The following LPCAT1 variants were observed in gnomAD, a reference collection of about 807,000 sequenced individuals.
LPCAT1 encodes the protein 1-acylglycerol-3-phosphate O-acyltransferase.
Under a neutral mutation model 60.9 loss-of-function variants are expected in LPCAT1, and 23 were observed. That is an observed-to-expected ratio of 0.38 (90% CI 0.27 to 0.53). LPCAT1 has a LOEUF of 0.53. Among genes scored for constraint, LPCAT1 ranks in the 20% least tolerant of loss-of-function variants. LPCAT1 has a pLI of 0.82. For synonymous variants in LPCAT1, 340 were observed against 301.1 expected (o/e 1.13, Z -1.34); for missense variants, 622 against 723.6 (o/e 0.86, Z 1.61).
Position 1,483,222 on chromosome 5 carries a change from G to A in LPCAT1, c.726+206C>T, listed in dbSNP as rs781450480. The stretch of plus-strand genomic sequence containing the variant: ...CAGGGACACGTGCATAGAACAGGCC[G>A]CACTCAGGAACGTGCCGAGCCCAGG... On this transcript the variant is annotated intron_variant, in intron 6 of 13. Coordinates refer to ENST00000283415, the MANE Select transcript of LPCAT1 (RefSeq NM_024830.5). The surrounding 1 kb of genome is among the most constrained non-coding windows in gnomAD (Gnocchi z 9.2). Among the ~76,000 whole-genome samples the A allele has an allele frequency of 2.0e-5, 3 of 152,142 alleles. No homozygotes were observed. Among genetic ancestry groups the A allele is most frequent in the Non-Finnish European group, 2.9e-5 (2 of 68,020 alleles).
chr5:1,521,597 C>T lies in LPCAT1; in HGVS notation c.135+2113G>A, dbSNP rs944953164. The stretch of plus-strand genomic sequence containing the variant: ...TTACAAACTAAACCCTTGAGCCACA[C>T]ATTGCAGACATCCAGCAGAAACGAC... On this transcript the variant is annotated intron_variant, in intron 1 of 13. Coordinates refer to ENST00000283415, the MANE Select transcript of LPCAT1 (RefSeq NM_024830.5). The surrounding 1 kb of genome is among the most constrained non-coding windows in gnomAD (Gnocchi z 4.3). 2.5e-6 allele frequency: 1 copy of T among 400,848 alleles called. No individual in the cohort carries two copies. The highest frequency in any genetic ancestry group is 3.4e-6 in the Non-Finnish European group (1 of 295,712). 24.8% of individuals were successfully genotyped at this position (400,848 alleles called of 1,614,324 possible). A position where few individuals can be genotyped will look rare whatever the true frequency, so the allele number is the denominator to read the frequency against.
chr5:1,470,955 C>A, intron 11 of LPCAT1, 31 bp from the exon 12 acceptor site: 3 of 1,589,642 alleles, frequency 1.9e-6, no homozygotes, highest in Non-Finnish European at 2.6e-6. Flanking sequence ...AGCCACAGCT[C>A]GGCCGCCTTC....
chr5:1,485,450 C>T (rs1314054589), intron 5 of LPCAT1, among the ~76,000 whole-genome samples: 1 of 152,188 alleles, frequency 6.6e-6, no homozygotes, highest in Non-Finnish European at 1.5e-5. Flanking sequence ...AATGCAGGAA[C>T]AAGGCAGAGG....
chr5:1,474,991 T>C (rs1734843075), intron 9 of LPCAT1, among the ~76,000 whole-genome samples: 1 of 152,152 alleles, frequency 6.6e-6, no homozygotes, highest in Admixed American at 6.5e-5. Context: ...CGAAGTGAGC[T>C]CATGGTGCGA....
intron 5 of LPCAT1, among the ~76,000 whole-genome samples, chr5:1,485,743 A>C (rs544826571): frequency 3.3e-5 from 5 of 151,882 alleles, no homozygotes; most frequent in African/African-American, 1.2e-4. Context: ...AGCCACATCC[A>C]TGTTTGCTCA....
At chr5:1,518,785 G>A (rs529868718) in intron 1 of LPCAT1, among the ~76,000 whole-genome samples, 105 of 152,344 alleles carry the variant, frequency 6.9e-4, no homozygotes, top group Non-Finnish European at 1.4e-3. Flanking sequence ...ATAGGGGGCC[G>A]GACCCAGGCA....
In LPCAT1 at chr5:1,487,485, T is replaced by C. The variant is rs1391453838; in HGVS notation, c.667+906A>G. Reference sequence around the variant, plus strand: ...AGGGTGGAGGGTGAAAGCACGCGCATCTGAGCTGGAGGAGGATGGCCACAG... The same window carrying C: ...AGGGTGGAGGGTGAAAGCACGCGCACCTGAGCTGGAGGAGGATGGCCACAG... On this transcript the variant is annotated intron_variant, in intron 5 of 13. Coordinates refer to ENST00000283415, the MANE Select transcript of LPCAT1 (RefSeq NM_024830.5). The surrounding 1 kb of genome is among the most constrained non-coding windows in gnomAD (Gnocchi z 6.1). Among the ~76,000 whole-genome samples, 1 of 152,140 alleles carries C rather than the reference T, an allele frequency of 6.6e-6. No homozygotes were observed. The highest frequency in any genetic ancestry group is 1.5e-5 in the Non-Finnish European group (1 of 68,026).
In LPCAT1 at chr5:1,476,856, G is replaced by T. The variant is rs531345039; in HGVS notation, c.899+548C>A. ...CGAGGGAGGGAGAGGGGGAGGGCGT[G>T]TGAGCCGACAGCACTGCCGGCCATG... is the stretch of plus-strand genomic sequence containing the variant. On this transcript the variant is annotated intron_variant, in intron 9 of 13. Transcript: ENST00000283415. The surrounding 1 kb of genome is among the most constrained non-coding windows in gnomAD (Gnocchi z 8.6). Among the ~76,000 whole-genome samples, 31 of 152,236 alleles carry T rather than the reference G, an allele frequency of 2.0e-4. No individual in the cohort carries two copies. Among genetic ancestry groups the T allele is most frequent in the Non-Finnish European group, 3.2e-4 (22 of 67,984 alleles).
chr5:1,512,664 T>A (rs1205490025), intron 1 of LPCAT1, among the ~76,000 whole-genome samples: 1 of 152,254 alleles, frequency 6.6e-6, no homozygotes, highest in East Asian at 1.9e-4. Flanking sequence ...CGCCTTCACC[T>A]GGAGTCTTCC....
chr5:1,507,590 C>G (rs112474961), intron 1 of LPCAT1, among the ~76,000 whole-genome samples: 2 of 152,176 alleles, frequency 1.3e-5, no homozygotes, highest in Admixed American at 6.5e-5. Flanking sequence ...TGGGACAGCA[C>G]GGCGCAGCCC....
At chr5:1,465,564 T>C (rs888731226) in intron 13 of LPCAT1, among the ~76,000 whole-genome samples, 24 of 147,224 alleles carry the variant, frequency 1.6e-4, no homozygotes, top group Non-Finnish European at 1.0e-4. Context: ...CACATGCCCA[T>C]GCACACACAC....
intron 1 of LPCAT1, among the ~76,000 whole-genome samples, chr5:1,505,872 G>T (rs1736171400): frequency 6.6e-6 from 1 of 152,232 alleles, no homozygotes; most frequent in Admixed American, 6.5e-5. Flanking sequence ...CTTCCTCTAT[G>T]GGAAAGAATG....
At chr5:1,473,072 G>A (rs893345037) in intron 11 of LPCAT1, among the ~76,000 whole-genome samples, 1 of 152,042 alleles carries the variant, frequency 6.6e-6, no homozygotes. Context: ...CTGCTCTCTG[G>A]CCAGAGTCCT....
intron 7 of LPCAT1, 109 bp from the exon 8 acceptor site, chr5:1,479,784 C>CT: frequency 1.2e-6 from 1 of 837,606 alleles, no homozygotes. Flanking sequence ...GAGGGCGCTA[C>CT]TGGGCAGTCA....
At position 1,481,045 on chromosome 5, in the gene LPCAT1, G is replaced by C; in HGVS notation, c.727-69C>G. ...CAGGGCCTGCACCAAGCACCTGCGT[G>C]TGCCGGCCTCTCCCTGCACCTCCCA... On this transcript the variant is annotated intron_variant, in intron 6 of 13. Coordinates refer to ENST00000283415, the MANE Select transcript of LPCAT1 (RefSeq NM_024830.5). This position sits in a 1 kb window ranked among gnomAD's most constrained non-coding sequence, Gnocchi z 7.8. The C allele has an allele frequency of 1.3e-6, 2 of 1,576,006 alleles. No individual in the cohort carries two copies. The highest frequency in any genetic ancestry group is 1.7e-6 in the Non-Finnish European group (2 of 1,148,754).
chr5:1,482,207 G>A (rs1033827170), intron 6 of LPCAT1, among the ~76,000 whole-genome samples: 1 of 151,896 alleles, frequency 6.6e-6, no homozygotes, highest in African/African-American at 2.4e-5. Context: ...AAGGACGTGC[G>A]GGAGTCATTG....
At chr5:1,509,982 T>C (rs1314710847) in intron 1 of LPCAT1, among the ~76,000 whole-genome samples, 1 of 152,214 alleles carries the variant, frequency 6.6e-6, no homozygotes, top group East Asian at 1.9e-4. Context: ...ACGGTTTCAT[T>C]GGGAGGAACA....
intron 3 of LPCAT1, 131 bp from the exon 4 acceptor site, chr5:1,489,989 G>A (rs1735514749): frequency 1.4e-6 from 1 of 703,480 alleles, no homozygotes; most frequent in Non-Finnish European, 2.6e-6. Context: ...GCTGTGCCAT[G>A]GGTGGGCTGT....
At position 1,502,035 on chromosome 5, in the gene LPCAT1, C is replaced by T. The variant is rs1238906953; in HGVS notation, c.136-432G>A. Among the ~76,000 whole-genome samples the T allele has an allele frequency of 4.6e-5, 7 of 152,226 alleles. No homozygotes were observed. The highest frequency in any genetic ancestry group is 9.6e-5 in the African/African-American group (4 of 41,466). On this transcript the variant is annotated intron_variant, in intron 1 of 13. Transcript: ENST00000283415. This position sits in a 1 kb window ranked among gnomAD's most constrained non-coding sequence, Gnocchi z 5.5. ...TTGACCGGCACTGACCAAGGCTGAC[C>T]GGTGCTGATGCCGACCAGCCCTCAC... is the stretch of plus-strand genomic sequence containing the variant.
Sources: gnomAD v4.1 joint callset for allele counts (sites outside exome capture counted in the v4.1 genomes callset) on GRCh38, gnomAD v4.1.1 for gene constraint, Gnocchi (gnomAD v3.1) non-coding constraint, MANE v1.5 for transcripts, NCBI Gene and HGNC (gene_info 2026-07-23, HGNC 2026-07-21) for gene names.